NTM: variants seen among roughly 807,000 people sequenced by gnomAD.
NTM encodes neurotrimin.
In NTM, 13 loss-of-function variants were observed where a neutral mutation model predicts 42.1. That is an observed-to-expected ratio of 0.31 (90% CI 0.20 to 0.49). The LOEUF is 0.49. NTM is among the 20% of genes least tolerant of loss of function. NTM has a pLI of 0.99. For missense variants in NTM, 373 were observed against 452.8 expected (o/e 0.82, Z 1.60); for synonymous variants, 187 against 179.2 (o/e 1.04, Z -0.35).
intron 3 of NTM, among the ~76,000 whole-genome samples, chr11:132,188,519 G>A (rs1284963899): frequency 6.6e-6 from 1 of 152,096 alleles, no homozygotes; most frequent in Non-Finnish European, 1.5e-5. Context: ...ACTTACGCCG[G>A]TCTCTAAACA....
At chr11:132,189,689 G>A (rs554465217) in intron 3 of NTM, among the ~76,000 whole-genome samples, 4 of 152,074 alleles carry the variant, frequency 2.6e-5, no homozygotes, top group South Asian at 2.1e-4. Context: ...ATACTTGAGT[G>A]CCTTTTGGAG....
At chr11:131,953,103 T>C (rs990016747) in intron 2 of NTM, among the ~76,000 whole-genome samples, 5 of 152,192 alleles carry the variant, frequency 3.3e-5, no homozygotes, top group African/African-American at 4.8e-5. Context: ...TTCCTCCAGC[T>C]GCTAGCAAGG....
intron 2 of NTM, among the ~76,000 whole-genome samples, chr11:131,989,236 A>C (rs927975962): frequency 6.6e-6 from 1 of 152,196 alleles, no homozygotes. Flanking sequence ...GCTCAAAAAC[A>C]TACTAATTAA....
intron 3 of NTM, among the ~76,000 whole-genome samples, chr11:132,168,635 T>C (rs1175361531): frequency 6.6e-6 from 1 of 152,240 alleles, no homozygotes; most frequent in Non-Finnish European, 1.5e-5. Context: ...TTATTAAATA[T>C]TGATTTTCTG....
intron 2 of NTM, among the ~76,000 whole-genome samples, chr11:131,924,610 C>A (rs1056560068): frequency 2.2e-4 from 34 of 151,752 alleles, no homozygotes; most frequent in African/African-American, 7.8e-4. Flanking sequence ...CTCCTTAGAC[C>A]ATCTGGATGT....
intron 1 of NTM, among the ~76,000 whole-genome samples, chr11:131,655,557 G>A (rs1449081282): frequency 2.0e-5 from 3 of 152,182 alleles, no homozygotes; most frequent in Non-Finnish European, 4.4e-5. Context: ...CAGCTGCTTT[G>A]CTGTAAAAGA....
At chr11:131,388,676 GTAT>G (rs1174858963) in intron 1 of NTM, among the ~76,000 whole-genome samples, 1 of 151,934 alleles carries the variant, frequency 6.6e-6, no homozygotes, top group Non-Finnish European at 1.5e-5. Context: ...TTTAAGATCT[GTAT>G]TTGGGGAAAG....
At chr11:131,674,407 G>T (rs2070990846) in intron 1 of NTM, among the ~76,000 whole-genome samples, 1 of 152,224 alleles carries the variant, frequency 6.6e-6, no homozygotes, top group African/African-American at 2.4e-5. Context: ...TTAGCGGCTG[G>T]ACGTCCTTAG....
intron 4 of NTM, among the ~76,000 whole-genome samples, chr11:132,261,635 G>A (rs2092861196): frequency 6.6e-6 from 1 of 152,208 alleles, no homozygotes; most frequent in Non-Finnish European, 1.5e-5. Context: ...GAAGGCAGAA[G>A]CACAGAAGGC....
intron 3 of NTM, among the ~76,000 whole-genome samples, chr11:132,167,965 T>G (rs2137771079): frequency 6.6e-6 from 1 of 152,344 alleles, no homozygotes; most frequent in South Asian, 2.1e-4. Flanking sequence ...TTCAAATTGC[T>G]GTAGAGAGTG....
chr11:132,028,936 T>A (rs1195436771), intron 2 of NTM, among the ~76,000 whole-genome samples: 1 of 152,180 alleles, frequency 6.6e-6, no homozygotes, highest in Admixed American at 6.5e-5. Context: ...TCCCAAAGTC[T>A]GGAGCTCTCA....
chr11:131,376,965 C>T lies in NTM; in HGVS notation c.82+6077C>T, dbSNP rs1942055767. On this transcript the variant is annotated intron_variant, in intron 1 of 8. Coordinates refer to ENST00000683400, the MANE Select transcript of NTM (RefSeq NM_001352005.2). ...ATGAAAAAGCAACTAACGGATAAGA[C>T]CAAAGACCTAGTTGGGTCTCTCAGA... is the stretch of plus-strand genomic sequence containing the variant. Among the ~76,000 whole-genome samples the T allele has an allele frequency of 2.0e-5, 3 of 152,144 alleles. No individual in the cohort carries two copies. In the South Asian group the frequency reaches 6.2e-4, roughly 32 times the overall value.
intron 2 of NTM, among the ~76,000 whole-genome samples, chr11:131,962,952 A>G (rs1347588581): frequency 6.6e-6 from 1 of 152,142 alleles, no homozygotes; most frequent in African/African-American, 2.4e-5. Context: ...TGCATCCCCC[A>G]CCCATCAGTG....
intron 1 of NTM, chr11:131,794,760 C>T: frequency 1.0e-6 from 1 of 984,962 alleles, no homozygotes; most frequent in Non-Finnish European, 1.2e-6. Context: ...CAATGGTGAG[C>T]TCCACACACC....
At chr11:131,767,772 A>T (rs1443572032) in intron 1 of NTM, among the ~76,000 whole-genome samples, 1 of 152,146 alleles carries the variant, frequency 6.6e-6, no homozygotes, top group Non-Finnish European at 1.5e-5. Flanking sequence ...AACCAGACCC[A>T]TTTGCCCGAC....
intron 2 of NTM, among the ~76,000 whole-genome samples, chr11:132,048,268 C>A (rs1382379533): frequency 1.3e-5 from 2 of 152,176 alleles, no homozygotes; most frequent in Non-Finnish European, 2.9e-5. Context: ...CACCTCCTCC[C>A]TCCCTTCAGC....
intron 1 of NTM, among the ~76,000 whole-genome samples, chr11:131,454,387 C>T (rs1203608114): frequency 6.6e-6 from 1 of 152,158 alleles, no homozygotes; most frequent in Admixed American, 6.5e-5. Flanking sequence ...CTACTGTATT[C>T]CCTTTTCTCT....
At position 131,610,595 on chromosome 11, in the gene NTM, A is replaced by G. The variant is rs144292289; in HGVS notation, c.82+239707A>G. Among the ~76,000 whole-genome samples, 1,275 of 152,322 alleles carry G rather than the reference A, an allele frequency of 8.4e-3. 27 individuals carry two copies. Among genetic ancestry groups the G allele is most frequent in the African/African-American group, 0.029 (1,221 of 41,570 alleles). On this transcript the variant is annotated intron_variant, in intron 1 of 8. Coordinates refer to ENST00000683400, the MANE Select transcript of NTM (RefSeq NM_001352005.2). ...ACACAATGGGGCCAAGGAGCAGAGT[A>G]GATGATAACCTGACTTAGGGTTTAA... is the stretch of plus-strand genomic sequence containing the variant.
In NTM at chr11:132,314,556, A is replaced by G. The variant is rs1435491977; in HGVS notation, c.787A>G (p.Ile263Val). 1 of 1,611,884 alleles carries G rather than the reference A, an allele frequency of 6.2e-7. No individual in the cohort carries two copies. The highest frequency in any genetic ancestry group is 1.1e-5 in the South Asian group (1 of 90,462). ...TTTGTCTTTTGTTTCTCTCAGACTG[A>G]TTGAAGGAAAGAAAGGGGTGAAAGT... ...FQWYKDDKRLIEGKKGVKVEN... is the reference protein window; with the variant it reads ...FQWYKDDKRLVEGKKGVKVEN... The change falls in exon 7 of 9, where the codon ATT becomes GTT. Residue 263 changes from isoleucine to valine, a missense_variant. Around this residue, in one of 3 missense-constraint regions of NTM, gnomAD observed 312 missense variants for 353.5 expected, o/e 0.88. Coordinates refer to ENST00000683400, the MANE Select transcript of NTM (RefSeq NM_001352005.2).
Sources: gnomAD v4.1 joint callset for allele counts (sites outside exome capture counted in the v4.1 genomes callset) on GRCh38, gnomAD v4.1.1 for gene constraint, gnomAD v4.1.1 regional missense constraint, MANE v1.5 for transcripts, NCBI Gene and HGNC (gene_info 2026-07-23, HGNC 2026-07-21) for gene names.